Variants in LIMS2 observed in about 807,000 individuals in gnomAD.
LIMS2 encodes LIM zinc finger domain containing 2.
In LIMS2, 30 loss-of-function variants were observed where a neutral mutation model predicts 45.3. The ratio of observed to expected loss-of-function variants is 0.66; its 90% CI spans 0.50 to 0.90. The LOEUF (loss-of-function observed/expected upper bound fraction) is 0.90, where lower values mean the gene tolerates loss of function less well. LIMS2 is among the 40% of genes least tolerant of loss of function. The pLI, the probability that LIMS2 is intolerant of heterozygous loss-of-function variation, is 0.00. For synonymous variants in LIMS2, 173 were observed against 188.0 expected (o/e 0.92, Z 0.65); for missense variants, 485 against 468.7 (o/e 1.03, Z -0.32).
In LIMS2 at chr2:127,653,574, A is replaced by G. The variant is rs1351618486; in HGVS notation, c.359+850T>C. 6.6e-6 allele frequency among the ~76,000 whole-genome samples: 1 copy of G among 152,158 alleles called. No individual in the cohort carries two copies. Among genetic ancestry groups the G allele is most frequent in the Non-Finnish European group, 1.5e-5 (1 of 68,020 alleles). On this transcript the variant is annotated intron_variant, in intron 4 of 9. Transcript: ENST00000355119. The surrounding 1 kb of genome is among the most constrained non-coding windows in gnomAD (Gnocchi z 5.3). Reference sequence around the variant, plus strand: ...CCCAGACGACTCCCCATGGAGAGACAGGGAGAAAGGTGACTCAGAGGAGGG... The same window carrying G: ...CCCAGACGACTCCCCATGGAGAGACGGGGAGAAAGGTGACTCAGAGGAGGG...
intron 1 of LIMS2, among the ~76,000 whole-genome samples, chr2:127,659,817 G>GT (rs1459341871): frequency 6.6e-6 from 1 of 152,194 alleles, no homozygotes; most frequent in African/African-American, 2.4e-5. Context: ...CCAGGCTCCT[G>GT]TTCTCTGCCT....
intron 1 of LIMS2, 82 bp downstream of exon 1, chr2:127,674,932 C>G: frequency 8.2e-7 from 1 of 1,223,514 alleles, no homozygotes; most frequent in Non-Finnish European, 1.0e-6. Flanking sequence ...CGCCGCGGGG[C>G]TGTACGAGGG....
In LIMS2 at chr2:127,642,483, AG is replaced by A; in HGVS notation, c.510-285del. 1 of 224,782 alleles carries A rather than the reference AG, an allele frequency of 4.4e-6. No homozygotes were observed. Among genetic ancestry groups the A allele is most frequent in the Non-Finnish European group, 8.3e-6 (1 of 119,902 alleles). 13.9% of individuals were successfully genotyped at this position (224,782 alleles called of 1,614,324 possible). On this transcript the variant is annotated intron_variant, in intron 5 of 9. Coordinates refer to ENST00000355119, the MANE Select transcript of LIMS2 (RefSeq NM_001161403.3). The surrounding 1 kb of genome is among the most constrained non-coding windows in gnomAD (Gnocchi z 5.3). Reference sequence around the variant, plus strand: ...GGGCCCCCCTCCTCCTCCAAACCAGAGGGGGTGTCTGGATAGGCACGGAGAG... The same window carrying A: ...GGGCCCCCCTCCTCCTCCAAACCAGAGGGGTGTCTGGATAGGCACGGAGAG...
chr2:127,657,432 G>A lies in LIMS2; in HGVS notation c.142C>T (p.Arg48Trp), dbSNP rs768298025. Reference sequence around the variant, plus strand: ...TAGAAGAGCCCCTCGGGGAAGGGCCGGAAGCACTGGGCACACACGAAGCAG... The same window carrying A: ...TAGAAGAGCCCCTCGGGGAAGGGCCAGAAGCACTGGGCACACACGAAGCAG... ...EHCFVCAQCF[R>W]PFPEGLFYEF... Residue 48 changes from arginine (R) to tryptophan (W), a missense_variant, in exon 2 of 10, where the codon CGG (arginine) becomes TGG (tryptophan). Coordinates refer to ENST00000355119, the MANE Select transcript of LIMS2 (RefSeq NM_001161403.3). 3.1e-6 allele frequency: 5 copies of A among 1,613,790 alleles called. No homozygotes were observed. Among genetic ancestry groups the A allele is most frequent in the South Asian group, 1.1e-5 (1 of 91,094 alleles).
At chr2:127,657,939 T>C (rs1316848521) in intron 1 of LIMS2, among the ~76,000 whole-genome samples, 2 of 152,080 alleles carry the variant, frequency 1.3e-5, no homozygotes, top group Non-Finnish European at 2.9e-5. Context: ...CTCAAAGAGG[T>C]TGAGTAACTT....
chr2:127,662,659 G>GC (rs1684749729), intron 1 of LIMS2, among the ~76,000 whole-genome samples: 1 of 98,758 alleles, frequency 1.0e-5, no homozygotes, highest in Admixed American at 1.0e-4. Context: ...GGGGGGTGGG[G>GC]GGAGGGATAG....
chr2:127,670,836 C>G (rs185042750), intron 1 of LIMS2, among the ~76,000 whole-genome samples: 2 of 152,228 alleles, frequency 1.3e-5, no homozygotes, highest in Non-Finnish European at 2.9e-5. Flanking sequence ...CCAGCTCCCC[C>G]ACCAGACTCC....
chr2:127,650,180 G>A, intron 4 of LIMS2: 1 of 1,073,898 alleles, frequency 9.3e-7, no homozygotes, highest in Admixed American at 2.1e-5. Flanking sequence ...AGGGGAAGCA[G>A]AAAGCGGTGA....
chr2:127,660,721 C>T (rs1225180717), intron 1 of LIMS2, among the ~76,000 whole-genome samples: 1 of 152,222 alleles, frequency 6.6e-6, no homozygotes, highest in East Asian at 1.9e-4. Flanking sequence ...AGACCAAGAA[C>T]CCACCAAAAG....
chr2:127,640,190 C>T (rs1682265525), intron 8 of LIMS2, 45 bp from the exon 9 acceptor site: 1 of 1,612,314 alleles, frequency 6.2e-7, no homozygotes, highest in African/African-American at 1.3e-5. Context: ...TAGGCTGCCG[C>T]AGGCCCGGCT....
intron 3 of LIMS2, 29 bp from the exon 4 acceptor site, chr2:127,654,573 G>A (rs1184016214): frequency 6.2e-7 from 1 of 1,613,922 alleles, no homozygotes; most frequent in Admixed American, 1.7e-5. Context: ...CTGCTGGCTG[G>A]GGAGCACGTG....
Position 127,664,452 on chromosome 2 carries a change from C to T in LIMS2, c.12-6890G>A. On this transcript the variant is annotated intron_variant, in intron 1 of 9. Coordinates refer to ENST00000355119, the MANE Select transcript of LIMS2 (RefSeq NM_001161403.3). The surrounding 1 kb of genome is among the most constrained non-coding windows in gnomAD (Gnocchi z 5.5). The stretch of plus-strand genomic sequence containing the variant: ...GCCTGGTGCAGGGGCTATGGGACCA[C>T]CTCGGAGGGGAGGCGCGGCCGCCTG... 8.4e-7 allele frequency: 1 copy of T among 1,187,104 alleles called. No homozygotes were observed. Among genetic ancestry groups the T allele is most frequent in the Non-Finnish European group, 1.0e-6 (1 of 959,302 alleles). 73.5% of individuals were successfully genotyped at this position (1,187,104 alleles called of 1,614,324 possible).
intron 9 of LIMS2, 49 bp downstream of exon 9, chr2:127,640,021 C>T: frequency 4.4e-6 from 7 of 1,581,934 alleles, no homozygotes; most frequent in Non-Finnish European, 5.2e-6. Flanking sequence ...GAAGGACCTG[C>T]AGGAGCCCCC....
intron 9 of LIMS2, 31 bp downstream of exon 9, chr2:127,640,037 CCT>C: frequency 1.2e-6 from 2 of 1,608,790 alleles, no homozygotes; most frequent in East Asian, 4.5e-5. Flanking sequence ...CCCCCTCCAC[CCT>C]GAGCCCCATC....
At chr2:127,650,484 C>T (rs569712033) in intron 4 of LIMS2, 16 of 564,276 alleles carry the variant, frequency 2.8e-5, no homozygotes, top group Middle Eastern at 4.6e-4. Flanking sequence ...AGCTGCATAG[C>T]GGCGAAATTC....
chr2:127,676,942 C>T (rs531091126), upstream of LIMS2, among the ~76,000 whole-genome samples: 1 of 152,370 alleles, frequency 6.6e-6, no homozygotes, highest in African/African-American at 2.4e-5. Flanking sequence ...GAGGAGACCA[C>T]ATTCCTGCCT....
Position 127,671,663 on chromosome 2 carries a change from A to T in LIMS2, c.11+3351T>A, listed in dbSNP as rs1274577649. The stretch of plus-strand genomic sequence containing the variant: ...TGGGGGTATCACACCACGGGACTGG[A>T]CACCCTGCAGATCAGTCCCTCCATC... On this transcript the variant is annotated intron_variant, in intron 1 of 9. Coordinates refer to ENST00000355119, the MANE Select transcript of LIMS2 (RefSeq NM_001161403.3). The surrounding 1 kb of genome is among the most constrained non-coding windows in gnomAD (Gnocchi z 4.1). Among the ~76,000 whole-genome samples, 1 of 152,204 alleles carries T rather than the reference A, an allele frequency of 6.6e-6. No individual in the cohort carries two copies. Among genetic ancestry groups the T allele is most frequent in the Non-Finnish European group, 1.5e-5 (1 of 68,032 alleles).
Position 127,655,099 on chromosome 2 carries a change from C to T in LIMS2, c.172-203G>A, listed in dbSNP as rs1684167110. 6.3e-6 allele frequency: 4 copies of T among 638,496 alleles called. No individual in the cohort carries two copies. The East Asian group carries it at 1.1e-4, about 18-fold the overall frequency. The allele number at this position is 638,496 out of a possible 1,614,324, so 39.6% of individuals were successfully genotyped here. A position where few individuals can be genotyped will look rare whatever the true frequency, so the allele number is the denominator to read the frequency against. ...GGATGGTGGGGTGCAAAGGGAGGTGCCCCCGTGGAAGCTGGAGAGGTCCGT... is the reference window on the plus strand; with the variant it reads ...GGATGGTGGGGTGCAAAGGGAGGTGTCCCCGTGGAAGCTGGAGAGGTCCGT... On this transcript the variant is annotated intron_variant, in intron 2 of 9. Coordinates refer to ENST00000355119, the MANE Select transcript of LIMS2 (RefSeq NM_001161403.3).
At chr2:127,677,803 C>T (rs552287482), upstream of LIMS2, among the ~76,000 whole-genome samples, 1 of 152,246 alleles carries the variant, frequency 6.6e-6, no homozygotes, top group Admixed American at 6.5e-5. The surrounding 1 kb of genome is among the most constrained non-coding windows in gnomAD (Gnocchi z 5.0). Flanking sequence ...CTAGAATAGG[C>T]AACATTTGTC....
Sources: allele counts gnomAD v4.1 joint callset (sites outside exome capture counted in the v4.1 genomes callset), GRCh38; gene constraint gnomAD v4.1.1; non-coding constraint Gnocchi (gnomAD v3.1); transcripts MANE v1.5; gene names NCBI Gene and HGNC (gene_info 2026-07-23, HGNC 2026-07-21).